IRAK1BP1: variants seen among roughly 807,000 people sequenced by gnomAD.
The protein encoded by IRAK1BP1 is interleukin 1 receptor associated kinase 1 binding protein 1.
Under a neutral mutation model 28.0 loss-of-function variants are expected in IRAK1BP1, and 24 were observed. The ratio of observed to expected loss-of-function variants is 0.86; its 90% CI spans 0.62 to 1.20. The LOEUF is 1.20. Among genes scored for constraint, IRAK1BP1 ranks in the 50% most tolerant of loss-of-function variants. The pLI is 0.00. For synonymous variants in IRAK1BP1, 131 were observed against 116.3 expected, an observed-to-expected ratio of 1.13 and a Z score of -0.81; for missense variants, 336 against 316.7, an observed-to-expected ratio of 1.06 and a Z score of -0.46.
chr6:78,935,667 C>T, intron 4 of IRAK1BP1: 1 of 984,080 alleles, frequency 1.0e-6, no homozygotes, highest in East Asian at 1.1e-4. Context: ...CATTTCGGCA[C>T]CCAAATATCT....
chr6:78,948,829 A>G (rs1462029324), downstream of IRAK1BP1, among the ~76,000 whole-genome samples: 1 of 152,042 alleles, frequency 6.6e-6, no homozygotes, highest in Non-Finnish European at 1.5e-5. Flanking sequence ...ATGCGACTAT[A>G]TTTTTTGAAG....
rs1474152461 is a variant in IRAK1BP1 at position 78,897,964 on chromosome 6, G to C, written c.512+5G>C. On this transcript the variant is annotated splice_donor_5th_base_variant and intron_variant, in intron 3 of 3. Coordinates refer to ENST00000369940, the MANE Select transcript of IRAK1BP1 (RefSeq NM_001010844.4). ...AGGTTCTGTTGAGAATCTTCGGTAA[G>C]TTTAAGCACATCTTTAACTAAGATA... is the stretch of plus-strand genomic sequence containing the variant. 1.2e-6 allele frequency: 2 copies of C among 1,613,326 alleles called. No individual in the cohort carries two copies. The highest frequency in any genetic ancestry group is 1.3e-5 in the African/African-American group (1 of 74,890).
intron 1 of IRAK1BP1, among the ~76,000 whole-genome samples, chr6:78,878,768 A>G (rs1203855708): frequency 6.6e-6 from 1 of 152,186 alleles, no homozygotes; most frequent in Non-Finnish European, 1.5e-5. Flanking sequence ...GATTAGATGA[A>G]TGGCTAACTA....
At chr6:78,882,082 C>T (rs1375438064) in intron 1 of IRAK1BP1, among the ~76,000 whole-genome samples, 1 of 152,014 alleles carries the variant, frequency 6.6e-6, no homozygotes, top group East Asian at 1.9e-4. Context: ...GAATGACACC[C>T]CAATAGCAGT....
intron 4 of IRAK1BP1, among the ~76,000 whole-genome samples, chr6:78,922,078 G>T (rs556399083): frequency 6.6e-6 from 1 of 152,322 alleles, no homozygotes; most frequent in South Asian, 2.1e-4. Flanking sequence ...GATGGAGAAT[G>T]AATTTGACAA....
intron 2 of IRAK1BP1, among the ~76,000 whole-genome samples, chr6:78,893,453 C>T (rs1005743146): frequency 6.6e-6 from 1 of 150,734 alleles, no homozygotes; most frequent in South Asian, 2.1e-4. Flanking sequence ...ACCTGTAGAC[C>T]TACACTATGA....
the IRAK1BP1 span, among the ~76,000 whole-genome samples, chr6:78,969,657 T>C: frequency 2.5e-4 from 38 of 152,152 alleles, no homozygotes; most frequent in African/African-American, 8.4e-4. Context: ...ACTGTTTTCA[T>C]TCCTAAACAA....
intron 1 of IRAK1BP1, chr6:78,871,270 A>G: frequency 1.0e-6 from 1 of 985,220 alleles, no homozygotes; most frequent in Non-Finnish European, 1.2e-6. Context: ...CTCCCTCACA[A>G]AAGTGTTTCG....
Position 78,902,793 on chromosome 6 carries a change from TAC to T in IRAK1BP1, c.*4461_*4462del. On this transcript the variant is annotated 3_prime_UTR_variant, in exon 4 of 4. Coordinates refer to ENST00000369940, the MANE Select transcript of IRAK1BP1 (RefSeq NM_001010844.4). ...CTACATACATACATACATACATACA[TAC>T]ATACATACATACATACATACATACA... 2 of 420,476 alleles carry T rather than the reference TAC, an allele frequency of 4.8e-6. No individual in the cohort carries two copies. Among genetic ancestry groups the T allele is most frequent in the Non-Finnish European group, 8.4e-6 (2 of 238,062 alleles). The allele number at this position is 420,476 out of a possible 1,614,324, so 26.0% of individuals were successfully genotyped here. A position where few individuals can be genotyped will look rare whatever the true frequency, so the allele number is the denominator to read the frequency against.
chr6:78,914,578 A>T (rs1007766011), intron 4 of IRAK1BP1, among the ~76,000 whole-genome samples: 18 of 152,062 alleles, frequency 1.2e-4, no homozygotes, highest in African/African-American at 4.3e-4. Context: ...TTTTTGGTTG[A>T]TTATCTCTTT....
intron 2 of IRAK1BP1, among the ~76,000 whole-genome samples, chr6:78,893,372 T>C (rs181541656): frequency 3.5e-4 from 51 of 146,096 alleles, no homozygotes; most frequent in Non-Finnish European, 6.3e-4. Flanking sequence ...TCTATTAATA[T>C]ATCCAGCAAA....
intron 1 of IRAK1BP1, among the ~76,000 whole-genome samples, chr6:78,874,564 C>G (rs966350458): frequency 2.0e-5 from 3 of 152,028 alleles, no homozygotes; most frequent in Non-Finnish European, 2.9e-5. Context: ...GCAAGTTCTC[C>G]CCTCATTACT....
At chr6:78,904,525 G>A (rs929031580), downstream of IRAK1BP1, among the ~76,000 whole-genome samples, 3 of 152,064 alleles carry the variant, frequency 2.0e-5, no homozygotes, top group African/African-American at 7.2e-5. Flanking sequence ...GTTCGCACGG[G>A]CATTAATTTT....
At chr6:78,975,753 A>G in the IRAK1BP1 span, among the ~76,000 whole-genome samples, 2 of 152,040 alleles carry the variant, frequency 1.3e-5, no homozygotes, top group South Asian at 4.1e-4. Flanking sequence ...GAGCCAAATC[A>G]TGAGTGAACT....
exon 5 of IRAK1BP1, chr6:78,945,885 C>T: frequency 1.4e-6 from 1 of 736,904 alleles, no homozygotes; most frequent in Non-Finnish European, 2.2e-6. Flanking sequence ...ATAAAGAAGG[C>T]AAAAACAACA....
downstream of IRAK1BP1, chr6:78,947,827 C>A: frequency 3.9e-6 from 5 of 1,292,552 alleles, no homozygotes; most frequent in Non-Finnish European, 5.5e-6. Flanking sequence ...CAAAGCATCA[C>A]TTCTCAGTGC....
the IRAK1BP1 span, among the ~76,000 whole-genome samples, chr6:78,974,961 C>G: frequency 1.3e-5 from 2 of 151,594 alleles, no homozygotes; most frequent in Non-Finnish European, 2.9e-5. Context: ...GGAACTGGTA[C>G]CATTCCTTCT....
chr6:78,971,527 A>G, the IRAK1BP1 span, among the ~76,000 whole-genome samples: 1 of 152,130 alleles, frequency 6.6e-6, no homozygotes, highest in African/African-American at 2.4e-5. Flanking sequence ...GGGAGGGGCC[A>G]AGATGGCCGA....
the IRAK1BP1 span, chr6:78,978,689 G>A: frequency 6.3e-7 from 1 of 1,594,808 alleles, no homozygotes; most frequent in African/African-American, 1.3e-5. Context: ...ACCATTTTCA[G>A]TTAGTTCTCC....
Sources: allele counts gnomAD v4.1 joint callset (sites outside exome capture counted in the v4.1 genomes callset), GRCh38; gene constraint gnomAD v4.1.1; transcripts MANE v1.5; gene names NCBI Gene and HGNC (gene_info 2026-07-23, HGNC 2026-07-21).